Variants in IQCM observed in about 807,000 individuals in gnomAD.
IQCM encodes the protein IQ motif containing M.
A neutral mutation model predicts 57.6 loss-of-function variants in IQCM; 45 were observed. The ratio of observed to expected loss-of-function variants is 0.78; its 90% CI spans 0.62 to 1.00. The LOEUF (loss-of-function observed/expected upper bound fraction) is 1.00, where lower values mean the gene tolerates loss of function less well. IQCM is among the 50% of genes least tolerant of loss of function. IQCM has a pLI of 0.00. For missense variants in IQCM, 468 were observed against 511.6 expected (o/e 0.91, Z 0.82); for synonymous variants, 148 against 158.9 (o/e 0.93, Z 0.51).
At chr4:149,524,543 T>C (rs995061078) in intron 12 of IQCM, among the ~76,000 whole-genome samples, 5 of 151,952 alleles carry the variant, frequency 3.3e-5, no homozygotes, top group Non-Finnish European at 7.4e-5. Flanking sequence ...ACTAGAGTGA[T>C]AGCTAGAACA....
chr4:149,802,260 G>A (rs1428049007), intron 2 of IQCM, among the ~76,000 whole-genome samples: 2 of 151,590 alleles, frequency 1.3e-5, no homozygotes, highest in Admixed American at 6.6e-5. Flanking sequence ...TTCATCTGAC[G>A]AATGTAAGCC....
Position 149,548,467 on chromosome 4 carries a change from G to C in IQCM, c.1216C>G (p.Leu406Val). 1 of 1,231,898 alleles carries C rather than the reference G, an allele frequency of 8.1e-7. No homozygotes were observed. Among genetic ancestry groups the C allele is most frequent in the East Asian group, 3.2e-5 (1 of 31,666 alleles). 76.3% of individuals were successfully genotyped at this position (1,231,898 alleles called of 1,614,324 possible). The change falls in exon 12 of 14, where the codon CTG (leucine) becomes GTG (valine). Residue 406 changes from leucine to valine, a missense_variant. Leu to Val is a conservative substitution (Grantham distance 32). Coordinates refer to ENST00000636793, the MANE Select transcript of IQCM (RefSeq NM_001363507.2). Reference protein sequence around the residue: ...TQKQVDDTWDLVHQDGKEKYS... With the variant: ...TQKQVDDTWDVVHQDGKEKYS... ...AGAAACTACTCACCTTGATGGACCA[G>C]GTCCCAAGTATCATCAACTTGTTTC...
In IQCM at chr4:149,731,443, G is replaced by C. The variant is rs375240923; in HGVS notation, c.385+1801C>G. On this transcript the variant is annotated intron_variant, in intron 5 of 13. Coordinates refer to ENST00000636793, the MANE Select transcript of IQCM (RefSeq NM_001363507.2). ...TTGGATTTCCCGCTTCCATAACTAT[G>C]AGAAATAAATTTAGTCTGTTTATAA... 2.5e-4 allele frequency among the ~76,000 whole-genome samples: 38 copies of C among 152,220 alleles called. No individual in the cohort carries two copies. The South Asian group carries it at 7.9e-3, about 32-fold the overall frequency.
intron 12 of IQCM, among the ~76,000 whole-genome samples, chr4:149,442,108 T>C (rs2111337363): frequency 6.6e-6 from 1 of 152,274 alleles, no homozygotes; most frequent in South Asian, 2.1e-4. Flanking sequence ...AAAACTATCC[T>C]CATTTCTAGC....
intron 2 of IQCM, among the ~76,000 whole-genome samples, chr4:149,763,633 C>T (rs1769749669): frequency 6.6e-6 from 1 of 152,088 alleles, no homozygotes; most frequent in African/African-American, 2.4e-5. Flanking sequence ...ACATTTAGTA[C>T]AGATAATTTC....
At chr4:149,482,210 C>A (rs1490723184) in intron 12 of IQCM, among the ~76,000 whole-genome samples, 6 of 151,798 alleles carry the variant, frequency 4.0e-5, no homozygotes, top group Non-Finnish European at 8.8e-5. Flanking sequence ...AATATAAGAT[C>A]ACATCATCTG....
At chr4:149,793,014 CT>C (rs1244544869) in intron 2 of IQCM, among the ~76,000 whole-genome samples, 1 of 152,294 alleles carries the variant, frequency 6.6e-6, no homozygotes, top group East Asian at 1.9e-4. Flanking sequence ...GACTGGGCAC[CT>C]GTGACTTTGG....
chr4:149,600,901 A>T (rs997726152), intron 8 of IQCM, among the ~76,000 whole-genome samples: 1 of 152,136 alleles, frequency 6.6e-6, no homozygotes, highest in Non-Finnish European at 1.5e-5. Context: ...TTTGACATCA[A>T]CTGTGGTCCT....
At chr4:149,798,451 A>G (rs1180836429) in intron 2 of IQCM, among the ~76,000 whole-genome samples, 3 of 152,040 alleles carry the variant, frequency 2.0e-5, no homozygotes, top group Non-Finnish European at 2.9e-5. Context: ...ACAGCAAAAC[A>G]TTCAGAAAAT....
At chr4:149,477,291 C>A (rs1194345537) in intron 12 of IQCM, among the ~76,000 whole-genome samples, 1 of 152,084 alleles carries the variant, frequency 6.6e-6, no homozygotes, top group Non-Finnish European at 1.5e-5. Flanking sequence ...CTCAGCTAAA[C>A]CCAAATGAGG....
intron 8 of IQCM, among the ~76,000 whole-genome samples, chr4:149,606,249 C>G (rs1337966082): frequency 6.6e-6 from 1 of 152,128 alleles, no homozygotes; most frequent in Admixed American, 6.5e-5. Context: ...CAGAGAGAGA[C>G]TCCTTCTGTT....
intron 12 of IQCM, among the ~76,000 whole-genome samples, chr4:149,492,214 C>A (rs142711086): frequency 6.6e-6 from 1 of 152,132 alleles, no homozygotes; most frequent in Admixed American, 6.6e-5. Context: ...TTTCTCTTTA[C>A]AGTGACTGCA....
At chr4:149,705,290 A>T (rs1194484969) in intron 5 of IQCM, among the ~76,000 whole-genome samples, 1 of 149,416 alleles carries the variant, frequency 6.7e-6, no homozygotes, top group Non-Finnish European at 1.5e-5. Flanking sequence ...GAGAGCCCTA[A>T]TACAATAGGC....
At chr4:149,460,403 A>G (rs995777003) in intron 12 of IQCM, among the ~76,000 whole-genome samples, 1 of 152,160 alleles carries the variant, frequency 6.6e-6, no homozygotes. Context: ...CCATTAAAAA[A>G]TTTCATAATC....
chr4:149,377,289 A>C (rs1730766449), intron 13 of IQCM, among the ~76,000 whole-genome samples: 1 of 152,214 alleles, frequency 6.6e-6, no homozygotes, highest in Non-Finnish European at 1.5e-5. Context: ...TTTCAATTCA[A>C]GACATAAAGC....
intron 5 of IQCM, among the ~76,000 whole-genome samples, chr4:149,732,237 T>G (rs910689270): frequency 6.6e-6 from 1 of 152,162 alleles, no homozygotes; most frequent in African/African-American, 2.4e-5. Flanking sequence ...CCAAAATTTA[T>G]TTCCTACCAC....
intron 7 of IQCM, among the ~76,000 whole-genome samples, chr4:149,676,809 C>G (rs1483126429): frequency 2.6e-5 from 4 of 151,910 alleles, no homozygotes; most frequent in Admixed American, 2.6e-4. Context: ...AAGAATAATT[C>G]TTTATTCTAA....
intron 12 of IQCM, among the ~76,000 whole-genome samples, chr4:149,509,164 T>A (rs116975098): frequency 6.6e-6 from 1 of 152,200 alleles, no homozygotes; most frequent in Admixed American, 6.5e-5. Flanking sequence ...TTCATCATCC[T>A]CAATATGTTT....
At chr4:149,380,814 A>G (rs1428111733) in intron 13 of IQCM, among the ~76,000 whole-genome samples, 1 of 152,210 alleles carries the variant, frequency 6.6e-6, no homozygotes, top group African/African-American at 2.4e-5. Flanking sequence ...CATGCAGCAT[A>G]GTTTTATTAG....
Sources: gnomAD v4.1 joint callset for allele counts (sites outside exome capture counted in the v4.1 genomes callset) on GRCh38, gnomAD v4.1.1 for gene constraint, MANE v1.5 for transcripts, NCBI Gene and HGNC (gene_info 2026-07-23, HGNC 2026-07-21) for gene names.